The following KCNMB2 variants were observed in gnomAD, a reference collection of about 807,000 sequenced individuals.
The protein encoded by KCNMB2 is potassium calcium-activated channel subfamily M regulatory beta subunit 2.
Under a neutral mutation model 24.5 loss-of-function variants are expected in KCNMB2, and 9 were observed. That is an observed-to-expected ratio of 0.37 (90% CI 0.22 to 0.64). The LOEUF (loss-of-function observed/expected upper bound fraction) is 0.64. Ranked by LOEUF, KCNMB2 falls within the 30% of genes least tolerant of loss-of-function variation. KCNMB2 has a pLI of 0.63. For missense variants in KCNMB2, 226 were observed against 284.3 expected (o/e 0.79, Z 1.47); for synonymous variants, 109 against 104.4 (o/e 1.04, Z -0.27).
rs1243292085 is a variant in KCNMB2 at position 178,757,311 on chromosome 3, T to A, written c.-67-50032T>A. On this transcript the variant is annotated intron_variant, in intron 1 of 4. Transcript: ENST00000452583. ...AAGAGGATATATATATATATATCCA[T>A]CCAAGAGGACATATATATATGTATA... Among the ~76,000 whole-genome samples the A allele has an allele frequency of 1.6e-5, 2 of 124,326 alleles. 1 individual carries two copies. The highest frequency in any genetic ancestry group is 5.0e-4 in the South Asian group (2 of 3,968). The allele number at this position is 124,326 out of a possible 152,430, so 81.6% of individuals were successfully genotyped here. A position where few individuals can be genotyped will look rare whatever the true frequency, so the allele number is the denominator to read the frequency against.
intron 1 of KCNMB2, among the ~76,000 whole-genome samples, chr3:178,758,515 C>A (rs1207238377): frequency 2.5e-4 from 6 of 23,552 alleles, no homozygotes; most frequent in South Asian, 1.4e-3. Flanking sequence ...TATATATCTC[C>A]AAGAGGAGAT....
intron 1 of KCNMB2, among the ~76,000 whole-genome samples, chr3:178,586,538 C>CTTTTTTTTTTCTTTCTTT (rs1717439913): frequency 1.5e-5 from 1 of 68,500 alleles, no homozygotes; most frequent in African/African-American, 5.7e-5. Flanking sequence ...TTTTTTCTTT[C>CTTTTTTTTTTCTTTCTTT]TTTTTTTTTT....
intron 1 of KCNMB2, among the ~76,000 whole-genome samples, chr3:178,760,384 A>C: frequency 7.4e-6 from 1 of 135,936 alleles, no homozygotes; most frequent in Middle Eastern, 3.9e-3. Flanking sequence ...TATATATTAT[A>C]TATATATCCA....
rs551801651 is a variant in KCNMB2 at position 178,607,647 on chromosome 3, G to A, written c.-68+70936G>A. The stretch of plus-strand genomic sequence containing the variant: ...TGCATGCGTGTGTGTGTGTGTGTGT[G>A]TGTGTATGTGTGCATAAACACATAC... On this transcript the variant is annotated intron_variant, in intron 1 of 4. Transcript: ENST00000452583. 3.0e-4 allele frequency among the ~76,000 whole-genome samples: 46 copies of A among 151,832 alleles called. 2 individuals are homozygous for A. The highest frequency in any genetic ancestry group is 6.8e-3 in the Middle Eastern group (2 of 294).
intron 1 of KCNMB2, among the ~76,000 whole-genome samples, chr3:178,783,419 C>T (rs986107221): frequency 6.5e-4 from 99 of 151,382 alleles, no homozygotes; most frequent in Non-Finnish European, 1.0e-3. Flanking sequence ...TCTTCCTACC[C>T]AGGAGCATGG....
chr3:178,789,487 C>A (rs550595275), intron 1 of KCNMB2, among the ~76,000 whole-genome samples: 1 of 152,270 alleles, frequency 6.6e-6, no homozygotes, highest in Non-Finnish European at 1.5e-5. Context: ...AAAATCATAA[C>A]AAGGAAAGCG....
intron 1 of KCNMB2, among the ~76,000 whole-genome samples, chr3:178,759,626 T>C (rs1317388166): frequency 7.3e-5 from 9 of 123,138 alleles, no homozygotes; most frequent in Non-Finnish European, 1.3e-4. Context: ...CATATATCTC[T>C]CTCCAAGAGG....
chr3:178,842,820 C>T lies in KCNMB2; in HGVS notation c.591C>T (p.Phe197=). The change falls in exon 5 of 5, where the codon TTC becomes TTT. Residue 197 remains phenylalanine, a synonymous_variant. Coordinates refer to ENST00000452583, the MANE Select transcript of KCNMB2 (RefSeq NM_181361.3). The part of the protein sequence containing the change: ...LTKLYSSNVL[F]HSLFWPTCMM... Reference sequence around the variant, plus strand: ...AACTCTACAGTTCCAACGTGCTGTTCCATTCACTCTTCTGGCCAACCTGTA... The same window carrying T: ...AACTCTACAGTTCCAACGTGCTGTTTCATTCACTCTTCTGGCCAACCTGTA... 6.2e-7 allele frequency: 1 copy of T among 1,613,976 alleles called. No homozygotes were observed. Among genetic ancestry groups the T allele is most frequent in the Non-Finnish European group, 8.5e-7 (1 of 1,179,878 alleles).
rs1715527904 is a variant in KCNMB2 at position 178,844,220 on chromosome 3, A to G, written c.*1283A>G. On this transcript the variant is annotated 3_prime_UTR_variant, in exon 5 of 5. Transcript: ENST00000452583. ...ACATCTATCTTTCTCATCTATATTT[A>G]AGTACCTTTTTGTAATGTAGTATCA... 2 of 152,556 alleles carry G rather than the reference A, an allele frequency of 1.3e-5. No homozygotes were observed. Among genetic ancestry groups the G allele is most frequent in the South Asian group, 4.1e-4 (2 of 4,834 alleles). 9.5% of individuals were successfully genotyped at this position (152,556 alleles called of 1,614,324 possible). A position where few individuals can be genotyped will look rare whatever the true frequency, so the allele number is the denominator to read the frequency against.
intron 2 of KCNMB2, among the ~76,000 whole-genome samples, chr3:178,810,571 T>C (rs920924654): frequency 1.3e-5 from 2 of 152,234 alleles, no homozygotes; most frequent in Non-Finnish European, 2.9e-5. Context: ...TTACTTTTTT[T>C]TCCTTATTTT....
intron 1 of KCNMB2, among the ~76,000 whole-genome samples, chr3:178,628,099 C>T (rs1210414686): frequency 6.6e-6 from 1 of 152,132 alleles, no homozygotes; most frequent in Non-Finnish European, 1.5e-5. Context: ...AAAATATACT[C>T]ATAAACAAAC....
chr3:178,603,909 G>A (rs1454989345), intron 1 of KCNMB2, among the ~76,000 whole-genome samples: 2 of 152,136 alleles, frequency 1.3e-5, no homozygotes, highest in Non-Finnish European at 2.9e-5. Flanking sequence ...TGGTCTAAAA[G>A]GAAGAGTATC....
intron 1 of KCNMB2, among the ~76,000 whole-genome samples, chr3:178,587,311 G>A (rs902088528): frequency 3.9e-5 from 6 of 152,088 alleles, no homozygotes; most frequent in Non-Finnish European, 8.8e-5. Context: ...GATTATCCCA[G>A]GCTGACCTAA....
At chr3:178,745,842 T>C (rs113233088) in intron 1 of KCNMB2, among the ~76,000 whole-genome samples, 6 of 152,330 alleles carry the variant, frequency 3.9e-5, no homozygotes, top group African/African-American at 1.4e-4. Context: ...TGACTCCATG[T>C]CTCACATCCA....
chr3:178,588,202 G>T (rs546514065), intron 1 of KCNMB2, among the ~76,000 whole-genome samples: 1 of 151,978 alleles, frequency 6.6e-6, no homozygotes, highest in Admixed American at 6.6e-5. Context: ...GATGGACCCT[G>T]CCTTTAAGAA....
intron 1 of KCNMB2, among the ~76,000 whole-genome samples, chr3:178,623,415 A>AT (rs1471151076): frequency 6.6e-6 from 1 of 152,212 alleles, no homozygotes; most frequent in Non-Finnish European, 1.5e-5. Flanking sequence ...CCACACCCAG[A>AT]TATACGGCAG....
At chr3:178,619,097 T>G (rs894130223) in intron 1 of KCNMB2, among the ~76,000 whole-genome samples, 1 of 152,214 alleles carries the variant, frequency 6.6e-6, no homozygotes, top group South Asian at 2.1e-4. Flanking sequence ...ACTGAGCAGC[T>G]GCCATGTATC....
chr3:178,759,515 C>G (rs1711609544), intron 1 of KCNMB2, among the ~76,000 whole-genome samples: 1 of 116,644 alleles, frequency 8.6e-6, no homozygotes, highest in Admixed American at 9.0e-5. Context: ...ATATATCTCT[C>G]CAAGAGGATA....
At chr3:178,593,617 C>T (rs1158332751) in intron 1 of KCNMB2, among the ~76,000 whole-genome samples, 1 of 151,744 alleles carries the variant, frequency 6.6e-6, no homozygotes, top group Admixed American at 6.6e-5. Flanking sequence ...ATTTTGTTGA[C>T]CAATAGTTAT....
Sources: allele counts gnomAD v4.1 joint callset (sites outside exome capture counted in the v4.1 genomes callset), GRCh38; gene constraint gnomAD v4.1.1; transcripts MANE v1.5; gene names NCBI Gene and HGNC (gene_info 2026-07-23, HGNC 2026-07-21).